TTN: variants seen among roughly 807,000 people sequenced by gnomAD.
The protein encoded by TTN is connectin.
A neutral mutation model predicts 3,223.0 loss-of-function variants in TTN; 1,525 were observed. The observed-to-expected ratio is 0.47, with a 90% CI of 0.45 to 0.49. TTN has a LOEUF of 0.49. TTN is among the 20% of genes least tolerant of loss of function. The pLI, the probability that TTN is intolerant of heterozygous loss-of-function variation, is 0.00. For missense variants in TTN, 40,786 were observed against 43,424.0 expected (o/e 0.94, Z 5.40); for synonymous variants, 14,094 against 15,161.0 (o/e 0.93, Z 5.17).
rs756246416 is a variant in TTN at position 178,715,823 on chromosome 2, T to C, written c.25640-49A>G. ...CAGGGTAAGGGATGGAACAGATGCA[T>C]ATAATTCAAGATGAGGTGGAAAAAA... is the stretch of plus-strand genomic sequence containing the variant. On this transcript the variant is annotated intron_variant, in intron 88 of 362. Coordinates refer to ENST00000589042, the MANE Select transcript of TTN (RefSeq NM_001267550.2). The C allele has an allele frequency of 3.4e-6, 5 of 1,491,548 alleles. No homozygotes were observed. The African/African-American group carries it at 4.2e-5, about 13-fold the overall frequency. The allele number at this position is 1,491,548 out of a possible 1,614,324, so 92.4% of individuals were successfully genotyped here. A position where few individuals can be genotyped will look rare whatever the true frequency, so the allele number is the denominator to read the frequency against.
intron 258 of TTN, 59 bp downstream of exon 258, chr2:178,615,582 G>C: frequency 6.2e-7 from 1 of 1,609,860 alleles, no homozygotes; most frequent in South Asian, 1.1e-5. Flanking sequence ...TTCAACTCTA[G>C]GTCTAAAAGC....
intron 2 of TTN, among the ~76,000 whole-genome samples, chr2:178,802,863 G>A (rs757795428): frequency 7.2e-5 from 11 of 152,152 alleles, no homozygotes; most frequent in Non-Finnish European, 1.3e-4. Context: ...GGACTCTTCT[G>A]CTTTCACAAG....
intron 164 of TTN, 114 bp from the exon 165 acceptor site, chr2:178,665,574 C>A: frequency 1.5e-6 from 2 of 1,349,154 alleles, no homozygotes; most frequent in East Asian, 4.6e-5. Flanking sequence ...TTTAAAGAAT[C>A]TGAGGAGGTA....
chr2:178,638,183 C>T (rs2060738583), intron 223 of TTN, among the ~76,000 whole-genome samples: 2 of 151,840 alleles, frequency 1.3e-5, no homozygotes, highest in African/African-American at 2.4e-5. Flanking sequence ...AAATCATAAA[C>T]ATCAGCAACA....
In TTN at chr2:178,614,312, T is replaced by G. The variant is rs1380942594; in HGVS notation, c.49085A>C (p.Asp16362Ala). Reference protein sequence around the residue: ...PGPPAAFDITDVTNESCLLTW... With the variant: ...PGPPAAFDITAVTNESCLLTW... ...TAGAAGACATGACTCATTGGTTACA[T>G]CTGTGATGTCAAAGGCAGCTGGTGG... Residue 16362 changes from aspartate to alanine, a missense_variant, in exon 262 of 363, where the codon GAT (aspartate) becomes GCT (alanine). Transcript: ENST00000589042. The G allele has an allele frequency of 1.2e-6, 2 of 1,612,634 alleles. No individual in the cohort carries two copies. Among genetic ancestry groups the G allele is most frequent in the Non-Finnish European group, 1.7e-6 (2 of 1,179,256 alleles).
rs1198096692 is a variant in TTN at position 178,579,608 on chromosome 2, C to G, written c.67589G>C (p.Gly22530Ala). Residue 22530 changes from glycine to alanine, a missense_variant, in exon 319 of 363, where the codon GGA (glycine) becomes GCA (alanine). By Grantham distance (60) the Gly-to-Ala change is moderately conservative. Transcript: ENST00000589042. ...AGTGATTTCGCTTGGGGTTCCTTCT[C>G]CATTTTCATTCTCAGCACTCACTCT... ...TFRVSAENEN[G>A]EGTPSEITVV... is the part of the protein sequence containing the mutation. 1 of 1,613,362 alleles carries G rather than the reference C, an allele frequency of 6.2e-7. No homozygotes were observed. Among genetic ancestry groups the G allele is most frequent in the Non-Finnish European group, 8.5e-7 (1 of 1,179,512 alleles).
rs758673294 is a variant in TTN at position 178,536,224 on chromosome 2, C to G, written c.100523G>C (p.Arg33508Thr). Residue 33508 changes from arginine to threonine, a missense_variant, in exon 357 of 363, where the codon AGA becomes ACA. Coordinates refer to ENST00000589042, the MANE Select transcript of TTN (RefSeq NM_001267550.2). ...GACCAAGGTAGCATTGCTCTGATAT[C>G]TGACATTTAGATTTCTCAGTTCCTC... ...FKEELRNLNV[R>T]YQSNATLVCK... 4 of 1,613,176 alleles carry G rather than the reference C, an allele frequency of 2.5e-6. 1 individual carries two copies. The highest frequency in any genetic ancestry group is 2.5e-6 in the Non-Finnish European group (3 of 1,179,522).
intron 149 of TTN, 80 bp from the exon 150 acceptor site, chr2:178,675,193 A>G (rs2067787460): frequency 3.4e-6 from 3 of 879,280 alleles, no homozygotes; most frequent in African/African-American, 1.8e-5. Context: ...AGTTTCCAAC[A>G]TAAGAGAGTA....
Position 178,579,339 on chromosome 2 carries a change from T to C in TTN, c.67691A>G (p.Glu22564Gly), listed in dbSNP as rs559039977. ...GLPDLCYLAK[E>G]NSNFRLKIPI... ...GATCTTAAGCCGGAAGTTGCTGTTT[T>C]CTTTAGCCAAGTAGCACAAATCAGG... The change falls in exon 320 of 363, where the codon GAA becomes GGA. Residue 22564 changes from glutamate to glycine, a missense_variant. Physicochemically the swap from Glu to Gly is moderately conservative, Grantham distance 98. Coordinates refer to ENST00000589042, the MANE Select transcript of TTN (RefSeq NM_001267550.2). The C allele has an allele frequency of 6.2e-7, 1 of 1,605,600 alleles. No individual in the cohort carries two copies. The highest frequency in any genetic ancestry group is 1.1e-5 in the South Asian group (1 of 90,610).
chr2:178,750,028 A>G (rs1194217558), intron 47 of TTN: 1 of 1,613,128 alleles, frequency 6.2e-7, no homozygotes, highest in East Asian at 2.2e-5. Context: ...CCTCAGTTTG[A>G]AACACTTCTT....
rs905162172 is a variant in TTN, at chr2:178,734,556, T to C, written c.15268A>G (p.Thr5090Ala). Residue 5090 changes from threonine to alanine, a missense_variant, in exon 52 of 363, where the codon ACA becomes GCA. Thr to Ala is a moderately conservative substitution (Grantham distance 58). Transcript: ENST00000589042. ...ACTTCACACTGAAGTAGAGCATTTG[T>C]TCCTCTCACTATGTCTGCAGGCTCA... ...TLEPADIVRG[T>A]NALLQCEVSG... 2.5e-6 allele frequency: 4 copies of C among 1,603,226 alleles called. No homozygotes were observed. The African/African-American group carries it at 5.4e-5, about 21-fold the overall frequency.
chr2:178,690,416 T>G (rs889438857), intron 121 of TTN, among the ~76,000 whole-genome samples: 1 of 152,170 alleles, frequency 6.6e-6, no homozygotes, highest in Non-Finnish European at 1.5e-5. Context: ...CAGGAAACAC[T>G]CTAGAGTAGG....
chr2:178,571,358 A>G lies in TTN; in HGVS notation c.74774T>C (p.Met24925Thr). 3.1e-6 allele frequency: 5 copies of G among 1,613,354 alleles called. No individual in the cohort carries two copies. Among genetic ancestry groups the G allele is most frequent in the Non-Finnish European group, 2.5e-6 (3 of 1,179,558 alleles). ...PVVTLSSRDS[M>T]EVQWNEPISD... ...GATTGGCTCATTCCATTGTACTTCC[A>G]TGCTGTCCCTGGAGGACAGTGTGAC... Residue 24925 changes from methionine to threonine, a missense_variant, in exon 326 of 363, where the codon ATG becomes ACG. Physicochemically the swap from Met to Thr is moderately conservative, Grantham distance 81. Transcript: ENST00000589042.
rs777819793 is a variant in TTN at position 178,779,032 on chromosome 2, A to G, written c.4050T>C (p.Arg1350=). 1 of 1,613,960 alleles carries G rather than the reference A, an allele frequency of 6.2e-7. No individual in the cohort carries two copies. The highest frequency in any genetic ancestry group is 1.3e-5 in the African/African-American group (1 of 74,936). Residue 1350 remains arginine (R), a synonymous_variant, in exon 24 of 363, where the codon CGT becomes CGC. Coordinates refer to ENST00000589042, the MANE Select transcript of TTN (RefSeq NM_001267550.2). ...DFLQDGRASL[R]IPVVLPEDEG... ...CATCTTCTGGAAGAACAACAGGTAT[A>G]CGCAGACTAGCTCTGCCATCTTGTA...
At chr2:178,805,343 CAAA>C (rs34870064) in intron 1 of TTN, among the ~76,000 whole-genome samples, 4 of 89,832 alleles carry the variant, frequency 4.5e-5, no homozygotes, top group Non-Finnish European at 6.6e-5. Context: ...GACTCTGTCT[CAAA>C]AAAAAAAAAA....
intron 48 of TTN, 79 bp from the exon 49 acceptor site, chr2:178,738,439 G>C: frequency 6.8e-7 from 1 of 1,468,368 alleles, no homozygotes; most frequent in Middle Eastern, 2.3e-4. Context: ...AACTTTTGTT[G>C]CTGTTAATGG....
Position 178,617,390 on chromosome 2 carries a change from A to G in TTN, c.47695T>C (p.Cys15899Arg), listed in dbSNP as rs1232133882. ...SPILGYIIER[C>R]EEGKDNWIRC... ...ATCCAATTATCTTTTCCTTCTTCGC[A>G]TCGCTCAATTATATAGCCTAATATT... is the stretch of plus-strand genomic sequence containing the variant. The change falls in exon 254 of 363, where the codon TGC becomes CGC. Residue 15899 changes from cysteine (C) to arginine (R), a missense_variant. By Grantham distance (180) the Cys-to-Arg change is radical. Coordinates refer to ENST00000589042, the MANE Select transcript of TTN (RefSeq NM_001267550.2). 5 of 1,589,874 alleles carry G rather than the reference A, an allele frequency of 3.1e-6. No homozygotes were observed. The East Asian group carries it at 6.8e-5, about 22-fold the overall frequency.
chr2:178,776,364 C>T lies in TTN; in HGVS notation c.5500G>A (p.Asp1834Asn). The part of the protein sequence containing the change: ...HEGALTGVTT[D>N]QKEKQKPDIV... ...TCTGGCTTTTGCTTTTCTTTCTGAT[C>T]TGTTGTTACACCTGTAAGTGCACCT... Residue 1834 changes from aspartate (D) to asparagine (N), a missense_variant, in exon 28 of 363, where the codon GAT becomes AAT. Transcript: ENST00000589042. 1 of 1,613,486 alleles carries T rather than the reference C, an allele frequency of 6.2e-7. No individual in the cohort carries two copies. Among genetic ancestry groups the T allele is most frequent in the Non-Finnish European group, 8.5e-7 (1 of 1,179,984 alleles).
chr2:178,562,145 C>T lies in TTN; in HGVS notation c.83987G>A (p.Trp27996Ter). 1 of 1,613,116 alleles carries T rather than the reference C, an allele frequency of 6.2e-7. No homozygotes were observed. The highest frequency in any genetic ancestry group is 2.2e-5 in the East Asian group (1 of 44,702). The change falls in exon 326 of 363, where the codon TGG becomes TAG. Residue 27996 changes from tryptophan (W) to a stop codon, truncating the protein, a stop_gained. Coordinates refer to ENST00000589042, the MANE Select transcript of TTN (RefSeq NM_001267550.2). LOFTEE classifies it high-confidence loss of function. ...FKGRPQATVN[W>*]RKDGQTLKET... ...TTTAAGAGTCTGACCATCTTTTCTCCAGTTCACAGTAGCTTGAGGTCTTCC... is the reference window on the plus strand; with the variant it reads ...TTTAAGAGTCTGACCATCTTTTCTCTAGTTCACAGTAGCTTGAGGTCTTCC...
Sources: gnomAD v4.1 joint callset for allele counts (sites outside exome capture counted in the v4.1 genomes callset) on GRCh38, gnomAD v4.1.1 for gene constraint, MANE v1.5 for transcripts, NCBI Gene and HGNC (gene_info 2026-07-23, HGNC 2026-07-21) for gene names.